GOLM2: variants seen among roughly 807,000 people sequenced by gnomAD.
GOLM2 encodes the protein golgi membrane protein 2, also known as protein GOLM2.
A neutral mutation model predicts 55.9 loss-of-function variants in GOLM2; 26 were observed. That is an observed-to-expected ratio of 0.47 (90% CI 0.34 to 0.65). The LOEUF is 0.65. Among genes scored for constraint, GOLM2 ranks in the 30% least tolerant of loss-of-function variants. The probability of loss-of-function intolerance (pLI) is 0.01; values close to 1 mark genes in which losing one functional copy is unlikely to be tolerated. For missense variants in GOLM2, 486 were observed against 531.8 expected (o/e 0.91, Z 0.85); for synonymous variants, 165 against 194.6 (o/e 0.85, Z 1.27).
At chr15:44,317,084 ACTCACAG>A (rs2078915410) in intron 1 of GOLM2, among the ~76,000 whole-genome samples, 3 of 152,194 alleles carry the variant, frequency 2.0e-5, no homozygotes, top group African/African-American at 7.2e-5. Flanking sequence ...AGCTGAAGCC[ACTCACAG>A]CCTAATATTT....
intron 6 of GOLM2, among the ~76,000 whole-genome samples, chr15:44,361,813 A>C (rs558658349): frequency 1.3e-3 from 198 of 152,318 alleles, no homozygotes; most frequent in Non-Finnish European, 2.1e-3. Context: ...TGGCAAACCG[A>C]ATCCAGCAGC....
Position 44,288,722 on chromosome 15 carries a change from G to T in GOLM2, c.-308G>T. 1 of 381,982 alleles carries T rather than the reference G, an allele frequency of 2.6e-6. No homozygotes were observed. Among genetic ancestry groups the T allele is most frequent in the Non-Finnish European group, 4.7e-6 (1 of 211,754 alleles). 23.7% of individuals were successfully genotyped at this position (381,982 alleles called of 1,614,324 possible). A position where few individuals can be genotyped will look rare whatever the true frequency, so the allele number is the denominator to read the frequency against. On this transcript the variant is annotated 5_prime_UTR_variant, in exon 1 of 10. Transcript: ENST00000299957. The stretch of plus-strand genomic sequence containing the variant: ...CCGCCCCTTTCCGGTTTTTTTCCCC[G>T]CCTCCCAACCGTGAGGTGTTGGGTT...
At chr15:44,400,825 T>C (rs1044507364) in intron 8 of GOLM2, among the ~76,000 whole-genome samples, 1 of 152,134 alleles carries the variant, frequency 6.6e-6, no homozygotes, top group Admixed American at 6.5e-5. Context: ...ATCGCCCGCC[T>C]TGGCCTCCCA....
intron 1 of GOLM2, among the ~76,000 whole-genome samples, chr15:44,311,752 C>T (rs1344337580): frequency 6.6e-6 from 1 of 152,002 alleles, no homozygotes; most frequent in Non-Finnish European, 1.5e-5. Context: ...CGGGTTCAAG[C>T]GATTCTCCTG....
chr15:44,364,045 G>C (rs1274293114), intron 6 of GOLM2, among the ~76,000 whole-genome samples: 1 of 151,704 alleles, frequency 6.6e-6, no homozygotes, highest in Admixed American at 6.6e-5. Flanking sequence ...GACTGTTGTG[G>C]GGTGGGGGGA....
chr15:44,361,824 A>C (rs1398772856), intron 6 of GOLM2, among the ~76,000 whole-genome samples: 1 of 152,220 alleles, frequency 6.6e-6, no homozygotes, highest in Non-Finnish European at 1.5e-5. Context: ...ATCCAGCAGC[A>C]CATCAAAAAG....
chr15:44,347,475 A>G (rs1483770944), intron 6 of GOLM2, among the ~76,000 whole-genome samples: 1 of 152,120 alleles, frequency 6.6e-6, no homozygotes, highest in Non-Finnish European at 1.5e-5. Flanking sequence ...ACTGAGCAGA[A>G]CTCAGCCAAT....
rs555269817 is a variant in GOLM2, at chr15:44,373,184, A to G, written c.803-6506A>G. 2.3e-3 allele frequency among the ~76,000 whole-genome samples: 354 copies of G among 152,288 alleles called. 1 individual carries two copies. Among genetic ancestry groups the G allele is most frequent in the Non-Finnish European group, 1.9e-3 (129 of 68,010 alleles). ...TTAAAACAGTTCTGGGCGGCCGGGC[A>G]CGGTGGCTCACGCCTGTAATCCCAG... On this transcript the variant is annotated intron_variant, in intron 6 of 9. Coordinates refer to ENST00000299957, the MANE Select transcript of GOLM2 (RefSeq NM_138423.4).
intron 9 of GOLM2, among the ~76,000 whole-genome samples, chr15:44,403,584 T>G (rs1567044946): frequency 2.0e-5 from 3 of 152,226 alleles, no homozygotes; most frequent in Non-Finnish European, 4.4e-5. Context: ...GGTTATCTTA[T>G]GTGTATTATT....
At chr15:44,352,915 AAAAAG>A (rs558111549) in intron 6 of GOLM2, among the ~76,000 whole-genome samples, 9 of 151,846 alleles carry the variant, frequency 5.9e-5, no homozygotes, top group African/African-American at 9.7e-5. Context: ...TCAAAAAAAA[AAAAAG>A]AAAAGAAAAG....
At chr15:44,326,611 T>C (rs2078982515) in intron 2 of GOLM2, among the ~76,000 whole-genome samples, 1 of 151,398 alleles carries the variant, frequency 6.6e-6, no homozygotes, top group Admixed American at 6.6e-5. Flanking sequence ...TTACATCTGC[T>C]GTTTAAAAAC....
At chr15:44,407,988 G>A (rs967532271) in intron 9 of GOLM2, among the ~76,000 whole-genome samples, 6 of 151,584 alleles carry the variant, frequency 4.0e-5, no homozygotes, top group African/African-American at 1.5e-4. Flanking sequence ...CTGACCTCAT[G>A]ATCTGCCCGC....
chr15:44,347,131 A>AAGAG (rs150767007), intron 6 of GOLM2, among the ~76,000 whole-genome samples: 125 of 149,534 alleles, frequency 8.4e-4, no homozygotes, highest in South Asian at 1.3e-3. Context: ...CTAAACAAAA[A>AAGAG]AGAGAGAGAG....
At chr15:44,380,718 T>A in intron 7 of GOLM2, 88 bp from the exon 8 acceptor site, 2 of 1,003,724 alleles carry the variant, frequency 2.0e-6, no homozygotes, top group Non-Finnish European at 2.6e-6. Flanking sequence ...ATAGTGTGTC[T>A]TAGCTTTCTA....
chr15:44,314,110 G>A (rs1476654845), intron 1 of GOLM2, among the ~76,000 whole-genome samples: 7 of 151,586 alleles, frequency 4.6e-5, no homozygotes, highest in Admixed American at 2.0e-4. Context: ...TGTGGCGGGC[G>A]CCTGTAGTCC....
intron 1 of GOLM2, among the ~76,000 whole-genome samples, chr15:44,310,179 C>T (rs1225985378): frequency 6.6e-6 from 1 of 151,946 alleles, no homozygotes; most frequent in Non-Finnish European, 1.5e-5. Flanking sequence ...CTGCTGCACC[C>T]AGCCAGAGCC....
chr15:44,327,932 G>A (rs535135489), intron 2 of GOLM2, among the ~76,000 whole-genome samples: 5 of 152,276 alleles, frequency 3.3e-5, no homozygotes, highest in African/African-American at 7.2e-5. Flanking sequence ...ATCCATAGCC[G>A]AACTAGAAAT....
At position 44,407,198 on chromosome 15, in the gene GOLM2, A is replaced by C. The variant is rs914182042; in HGVS notation, c.1240+4144A>C. On this transcript the variant is annotated intron_variant, in intron 9 of 9. Transcript: ENST00000299957. ...TTTATAACATATTTCTATTATATATATTTATATTTATATTATATATTTAAT... is the reference window on the plus strand; with the variant it reads ...TTTATAACATATTTCTATTATATATCTTTATATTTATATTATATATTTAAT... Among the ~76,000 whole-genome samples, 332 of 145,440 alleles carry C rather than the reference A, an allele frequency of 2.3e-3. 1 individual carries two copies. The highest frequency in any genetic ancestry group is 7.9e-3 in the African/African-American group (320 of 40,274).
At chr15:44,376,177 T>G (rs757416320) in intron 6 of GOLM2, among the ~76,000 whole-genome samples, 10 of 152,184 alleles carry the variant, frequency 6.6e-5, no homozygotes, top group Admixed American at 5.9e-4. Context: ...GAGGTTGTGG[T>G]GAGCCGAGAT....
Sources: gnomAD v4.1 joint callset for allele counts (sites outside exome capture counted in the v4.1 genomes callset) on GRCh38, gnomAD v4.1.1 for gene constraint, MANE v1.5 for transcripts, NCBI Gene and HGNC (gene_info 2026-07-23, HGNC 2026-07-21) for gene names.